The following DAB1 variants were observed in gnomAD, a reference collection of about 807,000 sequenced individuals.
The protein encoded by DAB1 is DAB adaptor protein 1.
A neutral mutation model predicts 64.6 loss-of-function variants in DAB1; 15 were observed. The observed-to-expected ratio is 0.23, with a 90% CI of 0.16 to 0.36. The LOEUF (loss-of-function observed/expected upper bound fraction) is 0.36. DAB1 is among the 10% of genes least tolerant of loss of function. The pLI is 1.00. For missense variants in DAB1, 596 were observed against 706.7 expected (o/e 0.84, Z 1.78); for synonymous variants, 235 against 251.9 (o/e 0.93, Z 0.64).
At chr1:57,148,384 T>C (rs1160444653) in intron 2 of DAB1, among the ~76,000 whole-genome samples, 2 of 152,240 alleles carry the variant, frequency 1.3e-5, no homozygotes, top group Non-Finnish European at 2.9e-5. Context: ...CAGTAGATAA[T>C]CCAGTTTCTC....
intron 14 of DAB1, among the ~76,000 whole-genome samples, chr1:57,008,050 G>A (rs1646142568): frequency 6.6e-6 from 1 of 152,222 alleles, no homozygotes; most frequent in Admixed American, 6.5e-5. Context: ...TAACTGTGAA[G>A]TGGCCAGGCT....
chr1:57,989,515 T>C (rs12083311), intron 5 of DAB1, among the ~76,000 whole-genome samples: 3,022 of 152,218 alleles, frequency 0.02, 65 homozygotes, highest in African/African-American at 0.049. Flanking sequence ...TCCCACCCCA[T>C]GAAGATGCCC....
At chr1:57,721,436 C>A (rs966792861) in intron 6 of DAB1, among the ~76,000 whole-genome samples, 1 of 152,142 alleles carries the variant, frequency 6.6e-6, no homozygotes, top group African/African-American at 2.4e-5. Flanking sequence ...TAGTATGCAC[C>A]AAGTACTATT....
At chr1:58,004,043 G>A (rs1377750508) in intron 5 of DAB1, among the ~76,000 whole-genome samples, 2 of 152,090 alleles carry the variant, frequency 1.3e-5, no homozygotes, top group Non-Finnish European at 2.9e-5. Context: ...GTGAGATAAC[G>A]GACTAATGCC....
At chr1:57,570,116 A>T (rs375094600) in intron 7 of DAB1, among the ~76,000 whole-genome samples, 9 of 152,260 alleles carry the variant, frequency 5.9e-5, no homozygotes, top group African/African-American at 2.2e-4. Flanking sequence ...CATTTGAGTC[A>T]GTCGGCCGGG....
intron 4 of DAB1, among the ~76,000 whole-genome samples, chr1:57,100,545 C>T (rs1393638887): frequency 1.3e-5 from 2 of 152,046 alleles, no homozygotes; most frequent in Non-Finnish European, 2.9e-5. Flanking sequence ...GAATCAAAGG[C>T]ACTATAAACT....
intron 2 of DAB1, among the ~76,000 whole-genome samples, chr1:57,219,542 T>C (rs1047813194): frequency 6.6e-6 from 1 of 152,200 alleles, no homozygotes; most frequent in Non-Finnish European, 1.5e-5. Context: ...CACTCACTTG[T>C]AGTTAATAGA....
chr1:57,780,435 T>A (rs1230126072), intron 6 of DAB1, among the ~76,000 whole-genome samples: 5 of 152,180 alleles, frequency 3.3e-5, no homozygotes, highest in Non-Finnish European at 5.9e-5. Flanking sequence ...GTCTTGGGAA[T>A]TCTTCATGAG....
At position 57,421,953 on chromosome 1, in the gene DAB1, C is replaced by T. The variant is rs528200943; in HGVS notation, c.-137+1977G>A. On this transcript the variant is annotated intron_variant, in intron 1 of 14. Transcript: ENST00000371236. ...GCCTACTCCTTCTGACATCTCCGAACCCCCATCTATCTTAGTGCCTGCGCA... is the reference window on the plus strand; with the variant it reads ...GCCTACTCCTTCTGACATCTCCGAATCCCCATCTATCTTAGTGCCTGCGCA... Among the ~76,000 whole-genome samples, 298 of 142,784 alleles carry T rather than the reference C, an allele frequency of 2.1e-3. 1 individual carries two copies. The highest frequency in any genetic ancestry group is 3.3e-3 in the Non-Finnish European group (220 of 66,318). 93.7% of individuals were successfully genotyped at this position (142,784 alleles called of 152,430 possible). A position where few individuals can be genotyped will look rare whatever the true frequency, so the allele number is the denominator to read the frequency against.
At chr1:57,773,296 T>A (rs900867619) in intron 6 of DAB1, among the ~76,000 whole-genome samples, 11 of 151,774 alleles carry the variant, frequency 7.2e-5, no homozygotes, top group Non-Finnish European at 1.3e-4. Flanking sequence ...GTTCAAATAT[T>A]TTGCCCATTT....
At chr1:58,285,086 C>A (rs1569601475) in intron 4 of DAB1, among the ~76,000 whole-genome samples, 1 of 152,122 alleles carries the variant, frequency 6.6e-6, no homozygotes, top group Non-Finnish European at 1.5e-5. Flanking sequence ...GCAGAAAAAG[C>A]CTTCGATAAA....
chr1:57,611,904 T>G (rs1570673176), intron 7 of DAB1, among the ~76,000 whole-genome samples: 1 of 152,320 alleles, frequency 6.6e-6, no homozygotes, highest in East Asian at 1.9e-4. Context: ...CGAAATTCCA[T>G]ACCTGACTTC....
intron 3 of DAB1, among the ~76,000 whole-genome samples, chr1:58,477,358 G>T (rs338228): frequency 1.3e-5 from 2 of 152,044 alleles, no homozygotes; most frequent in Admixed American, 6.6e-5. Context: ...AAATTGTCAA[G>T]GAATCATCTT....
At chr1:57,631,825 G>T (rs1283179059) in intron 7 of DAB1, among the ~76,000 whole-genome samples, 1 of 152,174 alleles carries the variant, frequency 6.6e-6, no homozygotes, top group Non-Finnish European at 1.5e-5. Flanking sequence ...CAAAGGAGGG[G>T]TCAGTAGCCC....
At chr1:58,135,192 T>A (rs1653872530) in intron 5 of DAB1, among the ~76,000 whole-genome samples, 1 of 152,176 alleles carries the variant, frequency 6.6e-6, no homozygotes, top group South Asian at 2.1e-4. Flanking sequence ...GTCATTATGA[T>A]CTCTCTAAAG....
intron 4 of DAB1, among the ~76,000 whole-genome samples, chr1:58,256,821 C>T (rs138142119): frequency 1.3e-5 from 2 of 152,246 alleles, no homozygotes. Context: ...TGATCAAGAA[C>T]CCATACAGGA....
At chr1:57,914,329 CA>C (rs201767784) in intron 5 of DAB1, among the ~76,000 whole-genome samples, 3,903 of 150,482 alleles carry the variant, frequency 0.026, 155 homozygotes, top group African/African-American at 0.084. Context: ...TTATTCTCAG[CA>C]AACTACCACA....
chr1:58,528,903 G>A (rs953985038), intron 1 of DAB1, among the ~76,000 whole-genome samples: 5 of 152,176 alleles, frequency 3.3e-5, no homozygotes, highest in Non-Finnish European at 7.4e-5. Flanking sequence ...TTTCATTGAC[G>A]AATTACAGTG....
At chr1:57,622,826 G>C (rs1055118538) in intron 7 of DAB1, among the ~76,000 whole-genome samples, 5 of 152,166 alleles carry the variant, frequency 3.3e-5, no homozygotes, top group African/African-American at 1.2e-4. Flanking sequence ...TTTGCTCTGT[G>C]CACTTCCTAG....
Sources: allele counts gnomAD v4.1 joint callset (sites outside exome capture counted in the v4.1 genomes callset), GRCh38; gene constraint gnomAD v4.1.1; transcripts MANE v1.5; gene names NCBI Gene and HGNC (gene_info 2026-07-23, HGNC 2026-07-21).